Variants in FHIT observed in about 807,000 individuals in gnomAD.
FHIT encodes the protein fragile histidine triad diadenosine triphosphatase.
In FHIT, 19 loss-of-function variants were observed where a neutral mutation model predicts 17.9. The ratio of observed to expected loss-of-function variants is 1.06; its 90% CI spans 0.74 to 1.56. The LOEUF is 1.56. Among genes scored for constraint, FHIT ranks in the 40% most tolerant of loss-of-function variants. The pLI, the probability that FHIT is intolerant of heterozygous loss-of-function variation, is 0.00. For synonymous variants in FHIT, 81 were observed against 69.7 expected (o/e 1.16, Z -0.81); for missense variants, 248 against 189.2 (o/e 1.31, Z -1.82).
intron 4 of FHIT, among the ~76,000 whole-genome samples, chr3:60,587,190 T>C (rs1160126249): frequency 6.6e-6 from 1 of 151,960 alleles, no homozygotes; most frequent in Non-Finnish European, 1.5e-5. Flanking sequence ...AATGAGATAA[T>C]GTCATTTGCA....
intron 4 of FHIT, among the ~76,000 whole-genome samples, chr3:60,730,944 G>A (rs1386188906): frequency 8.1e-6 from 1 of 123,344 alleles, no homozygotes; most frequent in Non-Finnish European, 1.7e-5. Flanking sequence ...GTGAAACCCA[G>A]TCTCTAATAA....
In FHIT at chr3:60,306,716, A is replaced by C. The variant is rs140811345; in HGVS notation, c.103+230144T>G. On this transcript the variant is annotated intron_variant, in intron 5 of 9. Transcript: ENST00000492590. ...ATGGCAAGAGAGTTTACAAGGCAAT[A>C]ATTCTAAATATAAAATAAAAAACAA... is the stretch of plus-strand genomic sequence containing the variant. Among the ~76,000 whole-genome samples, 71 of 152,262 alleles carry C rather than the reference A, an allele frequency of 4.7e-4. No individual in the cohort carries two copies. In the East Asian group the frequency reaches 0.013, roughly 27 times the overall value.
intron 5 of FHIT, among the ~76,000 whole-genome samples, chr3:60,197,130 G>T (rs912157412): frequency 6.6e-6 from 1 of 152,098 alleles, no homozygotes; most frequent in Non-Finnish European, 1.5e-5. Flanking sequence ...TACTTAACAT[G>T]CATTTAAAAA....
At chr3:60,101,705 G>C (rs1257122020) in intron 5 of FHIT, among the ~76,000 whole-genome samples, 1 of 152,130 alleles carries the variant, frequency 6.6e-6, no homozygotes, top group East Asian at 1.9e-4. Context: ...CACATCACAT[G>C]GATGTAAACA....
chr3:59,970,619 T>A (rs1442831807), intron 7 of FHIT, among the ~76,000 whole-genome samples: 1 of 152,114 alleles, frequency 6.6e-6, no homozygotes, highest in Admixed American at 6.6e-5. Context: ...ACAGATTGTT[T>A]TAGGGTGCAA....
At chr3:60,675,009 G>A (rs2107849680) in intron 4 of FHIT, among the ~76,000 whole-genome samples, 1 of 152,276 alleles carries the variant, frequency 6.6e-6, no homozygotes, top group African/African-American at 2.4e-5. Flanking sequence ...AGCATGTAAT[G>A]CTTGGCCCCA....
chr3:60,280,924 T>C (rs9876544), intron 5 of FHIT, among the ~76,000 whole-genome samples: 38,497 of 151,720 alleles, frequency 0.25, 5,672 homozygotes, highest in East Asian at 0.72. Flanking sequence ...TATGGCTGAC[T>C]ATGTAGAAAA....
At chr3:60,286,306 C>G (rs1707726587) in intron 5 of FHIT, among the ~76,000 whole-genome samples, 1 of 152,124 alleles carries the variant, frequency 6.6e-6, no homozygotes, top group Non-Finnish European at 1.5e-5. Context: ...TTTTTAGAAA[C>G]TTGGAATAAA....
intron 5 of FHIT, among the ~76,000 whole-genome samples, chr3:60,509,048 A>G (rs1268521166): frequency 1.3e-5 from 2 of 151,964 alleles, no homozygotes; most frequent in African/African-American, 2.4e-5. Context: ...TTCCCACCCA[A>G]ATTCTTTTGG....
intron 5 of FHIT, among the ~76,000 whole-genome samples, chr3:60,275,316 G>T (rs1196227764): frequency 1.3e-5 from 2 of 151,476 alleles, no homozygotes; most frequent in Non-Finnish European, 2.9e-5. Flanking sequence ...GACCCTCTCT[G>T]TGCCACAAAC....
intron 8 of FHIT, among the ~76,000 whole-genome samples, chr3:59,880,858 T>G (rs953382517): frequency 6.6e-6 from 1 of 152,146 alleles, no homozygotes; most frequent in Non-Finnish European, 1.5e-5. Flanking sequence ...AAAACAGTAT[T>G]GTGCTCCTTC....
intron 3 of FHIT, among the ~76,000 whole-genome samples, chr3:61,009,526 C>G (rs982283452): frequency 6.6e-6 from 1 of 152,054 alleles, no homozygotes; most frequent in African/African-American, 2.4e-5. Flanking sequence ...TAATACAGAT[C>G]AAATTCATAT....
intron 3 of FHIT, among the ~76,000 whole-genome samples, chr3:60,968,334 A>G (rs1242951368): frequency 2.6e-5 from 4 of 152,226 alleles, no homozygotes; most frequent in Admixed American, 2.6e-4. Flanking sequence ...ATAATGATGA[A>G]TAAAAATGGA....
chr3:60,009,166 TGTGTGTGTG>T (rs1700040192), intron 7 of FHIT, among the ~76,000 whole-genome samples: 1 of 3,756 alleles, frequency 2.7e-4, no homozygotes, highest in East Asian at 4.9e-3. Flanking sequence ...TGGGATTTTA[TGTGTGTGTG>T]TGTGTGTGTG....
At chr3:60,419,370 T>G (rs947354730) in intron 5 of FHIT, among the ~76,000 whole-genome samples, 6 of 152,338 alleles carry the variant, frequency 3.9e-5, no homozygotes, top group Non-Finnish European at 4.4e-5. Context: ...GTTTCCTTAG[T>G]CATTACATTT....
Position 60,509,451 on chromosome 3 carries a change from G to A in FHIT, c.103+27409C>T, listed in dbSNP as rs186279704. 5.9e-5 allele frequency among the ~76,000 whole-genome samples: 9 copies of A among 152,212 alleles called. No individual in the cohort carries two copies. The East Asian group carries it at 1.7e-3, about 29-fold the overall frequency. On this transcript the variant is annotated intron_variant, in intron 5 of 9. Coordinates refer to ENST00000492590, the MANE Select transcript of FHIT (RefSeq NM_002012.4). ...ACACAGATAATAAATAGATGAATTA[G>A]GATTCACATCTCTGTTAGACTGAAT...
intron 4 of FHIT, among the ~76,000 whole-genome samples, chr3:60,764,224 C>A (rs943455241): frequency 2.7e-5 from 4 of 150,578 alleles, no homozygotes; most frequent in African/African-American, 1.0e-4. Flanking sequence ...CAGGGTAAAA[C>A]TGTCCTATCT....
intron 5 of FHIT, among the ~76,000 whole-genome samples, chr3:60,328,774 G>A (rs552176340): frequency 2.9e-4 from 44 of 152,290 alleles, no homozygotes; most frequent in South Asian, 6.2e-4. Context: ...AGCCAAAAAT[G>A]TGTCTTGATT....
At chr3:60,821,480 T>G (rs1397615377) in intron 4 of FHIT, among the ~76,000 whole-genome samples, 1 of 125,866 alleles carries the variant, frequency 7.9e-6, no homozygotes, top group Non-Finnish European at 1.7e-5. Context: ...GCTCCTAACT[T>G]TATTTCCATT....
Sources: allele counts gnomAD v4.1 joint callset (sites outside exome capture counted in the v4.1 genomes callset), GRCh38; gene constraint gnomAD v4.1.1; transcripts MANE v1.5; gene names NCBI Gene and HGNC (gene_info 2026-07-23, HGNC 2026-07-21).